PIKFYVE: variants seen among roughly 807,000 people sequenced by gnomAD.
The protein encoded by PIKFYVE is phosphoinositide kinase, FYVE-type zinc finger containing.
A neutral mutation model predicts 257.9 loss-of-function variants in PIKFYVE; 122 were observed. The ratio of observed to expected loss-of-function variants is 0.47; its 90% confidence interval spans 0.41 to 0.55. PIKFYVE has a LOEUF of 0.55. Among genes scored for constraint, PIKFYVE ranks in the 20% least tolerant of loss-of-function variants. The pLI is 0.00. For synonymous variants in PIKFYVE, 892 were observed against 868.9 expected (o/e 1.03, Z -0.47); for missense variants, 2,160 against 2,536.6 (o/e 0.85, Z 3.19).
At position 208,312,308 on chromosome 2, in the gene PIKFYVE, A is replaced by G. The variant is rs770463919; in HGVS notation, c.1696+13A>G. The stretch of plus-strand genomic sequence containing the variant: ...GCTTTCATCAAAGGTAATTTTATAA[A>G]AAGCTGTATGTGGAATGGTGTCTCT... On this transcript the variant is annotated intron_variant, in intron 13 of 41. Coordinates refer to ENST00000264380, the MANE Select transcript of PIKFYVE (RefSeq NM_015040.4). The G allele has an allele frequency of 9.4e-6, 15 of 1,591,844 alleles. No homozygotes were observed. The South Asian group carries it at 1.6e-4, about 17-fold the overall frequency.
At chr2:208,315,454 A>G in intron 15 of PIKFYVE, 81 bp downstream of exon 15, 9 of 1,522,750 alleles carry the variant, frequency 5.9e-6, no homozygotes, top group Non-Finnish European at 8.1e-6. Context: ...TGGTAATCTG[A>G]AAAGAGTCAT....
chr2:208,349,933 T>C, intron 35 of PIKFYVE, 91 bp from the exon 36 acceptor site: 1 of 1,553,460 alleles, frequency 6.4e-7, no homozygotes, highest in Non-Finnish European at 8.7e-7. Context: ...ATTTGCTAAG[T>C]TTTTTTGTTA....
intron 17 of PIKFYVE, among the ~76,000 whole-genome samples, chr2:208,323,927 C>G (rs1696607347): frequency 6.7e-6 from 1 of 149,624 alleles, no homozygotes; most frequent in Non-Finnish European, 1.5e-5. Flanking sequence ...AGTGTCTGTT[C>G]ATGTGCTTCG....
At position 208,326,033 on chromosome 2, in the gene PIKFYVE, A is replaced by G. The variant is rs147686044; in HGVS notation, c.3222A>G (p.Arg1074=). The change falls in exon 20 of 42, where the codon AGA becomes AGG. Residue 1074 remains arginine (R), a synonymous_variant. Coordinates refer to ENST00000264380, the MANE Select transcript of PIKFYVE (RefSeq NM_015040.4). ...EPFLLTEKGM[R]CSTRDYFAEQ... is the part of the protein sequence containing the mutation. ...TTCTTTTAACTGAAAAGGGGATGAG[A>G]TGCTCTACCCGAGATTATTTTGCAG... is the stretch of plus-strand genomic sequence containing the variant. 34 of 1,614,014 alleles carry G rather than the reference A, an allele frequency of 2.1e-5. No individual in the cohort carries two copies. Among genetic ancestry groups the G allele is most frequent in the Admixed American group, 8.3e-5 (5 of 59,998 alleles).
rs140119762 is a variant in PIKFYVE at position 208,280,942 on chromosome 2, GTGCTGCCTATTGGCCCC to G, written c.613+3238_613+3254del. Among the ~76,000 whole-genome samples the G allele has an allele frequency of 7.1e-3, 1,074 of 152,298 alleles. 9 individuals carry two copies. The highest frequency in any genetic ancestry group is 0.011 in the Non-Finnish European group (750 of 68,024). The stretch of plus-strand genomic sequence containing the variant: ...GCCCACCTTGTCTTTGGCGACTAAA[GTGCTGCCTATTGGCCCC>G]TGCCACCCTGGGATCCAGTGATCCC... On this transcript the variant is annotated intron_variant, in intron 5 of 41. Transcript: ENST00000264380.
Position 208,342,599 on chromosome 2 carries a change from C to G in PIKFYVE, c.4977C>G (p.Pro1659=). 1 of 1,613,958 alleles carries G rather than the reference C, an allele frequency of 6.2e-7. No homozygotes were observed. The change falls in exon 32 of 42, where the codon CCC becomes CCG. Residue 1659 remains proline (P), a synonymous_variant. Transcript: ENST00000264380. ...TAATGTATGAACATGAACGAGTGCCCATTGCAGTCTGCGAGAAGGAACCCA... is the reference window on the plus strand; with the variant it reads ...TAATGTATGAACATGAACGAGTGCCGATTGCAGTCTGCGAGAAGGAACCCA... ...HYLMYEHERV[P]IAVCEKEPSS...
intron 15 of PIKFYVE, 24 bp from the exon 16 acceptor site, chr2:208,317,843 T>C: frequency 1.3e-6 from 2 of 1,575,498 alleles, no homozygotes; most frequent in Non-Finnish European, 1.7e-6. Context: ...TTGAATTTTA[T>C]TGTTTTCTTA....
At chr2:208,321,582 T>TTC (rs1559120874) in intron 17 of PIKFYVE, among the ~76,000 whole-genome samples, 36 of 148,470 alleles carry the variant, frequency 2.4e-4, no homozygotes, top group East Asian at 1.6e-3. Flanking sequence ...TTTGTTTTTT[T>TTC]TTTTTTTTTT....
intron 16 of PIKFYVE, among the ~76,000 whole-genome samples, chr2:208,319,808 A>G (rs1008893662): frequency 3.3e-5 from 5 of 152,124 alleles, no homozygotes; most frequent in Non-Finnish European, 7.4e-5. Context: ...TCTATTAGCA[A>G]TATGTTCAGG....
chr2:208,353,550 T>C (rs948792528), intron 39 of PIKFYVE, among the ~76,000 whole-genome samples: 4 of 152,180 alleles, frequency 2.6e-5, no homozygotes, highest in Admixed American at 1.3e-4. Flanking sequence ...TCTCTCTTTT[T>C]TTTTTTAACA....
chr2:208,296,694 A>G (rs1024033818), intron 7 of PIKFYVE, among the ~76,000 whole-genome samples: 3 of 152,180 alleles, frequency 2.0e-5, no homozygotes, highest in African/African-American at 7.2e-5. Flanking sequence ...AGAAACCAGA[A>G]AAGGAGACGG....
chr2:208,349,742 A>T (rs1465804), intron 35 of PIKFYVE, among the ~76,000 whole-genome samples: 3 of 151,876 alleles, frequency 2.0e-5, no homozygotes, highest in African/African-American at 7.3e-5. Context: ...CTGAGTTACT[A>T]TATTGCCACT....
At chr2:208,338,675 A>C in intron 29 of PIKFYVE, 107 bp downstream of exon 29, 1 of 1,085,130 alleles carries the variant, frequency 9.2e-7, no homozygotes, top group Non-Finnish European at 1.4e-6. Flanking sequence ...TGTTGTTCAT[A>C]GACTTCTTTT....
rs1491017919 is a variant in PIKFYVE at position 208,348,636 on chromosome 2, G to GTA, written c.5374+615_5374+616dup. On this transcript the variant is annotated intron_variant, in intron 35 of 41. Coordinates refer to ENST00000264380, the MANE Select transcript of PIKFYVE (RefSeq NM_015040.4). ...TGTGTGTGTGTGTGTGTGTGTGTGT[G>GTA]TATCTACCTCATTGTGTTTGGGTAT... is the stretch of plus-strand genomic sequence containing the variant. 6.6e-5 allele frequency among the ~76,000 whole-genome samples: 10 copies of GTA among 150,504 alleles called. No homozygotes were observed. In the East Asian group the frequency reaches 2.0e-3, roughly 30 times the overall value.
intron 35 of PIKFYVE, among the ~76,000 whole-genome samples, chr2:208,348,599 A>AAGT (rs559057437): frequency 3.1e-5 from 4 of 128,986 alleles, no homozygotes; most frequent in African/African-American, 8.9e-5. Flanking sequence ...AAAAAAAAAA[A>AAGT]GTGTGTGTGT....
intron 25 of PIKFYVE, 96 bp from the exon 26 acceptor site, chr2:208,335,697 C>G (rs1480654993): frequency 3.9e-6 from 4 of 1,022,636 alleles, no homozygotes; most frequent in Non-Finnish European, 6.1e-6. Flanking sequence ...AACATAATTT[C>G]AATTACATTT....
At chr2:208,318,010 C>A in intron 16 of PIKFYVE, 69 bp downstream of exon 16, 1 of 1,446,818 alleles carries the variant, frequency 6.9e-7, no homozygotes, top group Non-Finnish European at 9.7e-7. Flanking sequence ...CAAGTTGGGG[C>A]ACCTTAGTTA....
At chr2:208,328,338 A>C in intron 21 of PIKFYVE, 58 bp downstream of exon 21, 2 of 1,608,542 alleles carry the variant, frequency 1.2e-6, no homozygotes, top group Non-Finnish European at 1.7e-6. Flanking sequence ...AGCAATTAAA[A>C]AAAAACAAAA....
chr2:208,298,332 T>A (rs1312786588), intron 7 of PIKFYVE, among the ~76,000 whole-genome samples: 2 of 152,242 alleles, frequency 1.3e-5, no homozygotes, highest in Non-Finnish European at 2.9e-5. Context: ...ATATATGAAC[T>A]ATGTAATTGT....
Sources: allele counts gnomAD v4.1 joint callset (sites outside exome capture counted in the v4.1 genomes callset), GRCh38; gene constraint gnomAD v4.1.1; transcripts MANE v1.5; gene names NCBI Gene and HGNC (gene_info 2026-07-23, HGNC 2026-07-21).